RPRD2: variants seen among roughly 807,000 people sequenced by gnomAD.
RPRD2 encodes regulation of nuclear pre-mRNA domain-containing protein 2.
A neutral mutation model predicts 104.4 loss-of-function variants in RPRD2; 12 were observed. The ratio of observed to expected loss-of-function variants is 0.11; its 90% CI spans 0.07 to 0.19. RPRD2 has a LOEUF of 0.19. Among genes scored for constraint, RPRD2 ranks in the 10% least tolerant of loss-of-function variants. The pLI is 1.00. For synonymous variants in RPRD2, 714 were observed against 684.9 expected, an observed-to-expected ratio of 1.04 and a Z score of -0.66; for missense variants, 1,543 against 1,790.1, an observed-to-expected ratio of 0.86 and a Z score of 2.49.
At chr1:150,446,107 A>G in intron 6 of RPRD2, 119 bp from the exon 7 acceptor site, 1 of 637,556 alleles carries the variant, frequency 1.6e-6, no homozygotes. Context: ...GTATTAGAGT[A>G]CTGCACAGTA....
In RPRD2 at chr1:150,472,835, C is replaced by T. The variant is rs780099889; in HGVS notation, c.3887C>T (p.Pro1296Leu). The T allele has an allele frequency of 8.7e-6, 14 of 1,611,782 alleles. No individual in the cohort carries two copies. Among genetic ancestry groups the T allele is most frequent in the South Asian group, 3.3e-5 (3 of 90,894 alleles). Residue 1296 changes from proline (P) to leucine (L), a missense_variant, in exon 11 of 11, where the codon CCA becomes CTA. By Grantham distance (98) the Pro-to-Leu change is moderately conservative (BLOSUM62 -3). Transcript: ENST00000369068. ...GVPFSTPPPP[P>L]PPVDHSGVVP... The stretch of plus-strand genomic sequence containing the variant: ...CCCTTTTCTACTCCACCCCCTCCTC[C>T]ACCCCCTGTTGACCACTCTGGAGTT...
At chr1:150,393,198 G>A (rs782237554) in intron 1 of RPRD2, among the ~76,000 whole-genome samples, 19 of 152,020 alleles carry the variant, frequency 1.2e-4, no homozygotes, top group Non-Finnish European at 2.6e-4. Context: ...GCTGGGTGCG[G>A]TGGCTCACAC....
intron 2 of RPRD2, among the ~76,000 whole-genome samples, chr1:150,419,854 C>G (rs889870140): frequency 1.3e-5 from 2 of 152,178 alleles, no homozygotes; most frequent in Non-Finnish European, 2.9e-5. Flanking sequence ...TCTCGAACTC[C>G]TGACCTCAGG....
intron 1 of RPRD2, among the ~76,000 whole-genome samples, chr1:150,416,469 A>T (rs77444832): frequency 0.023 from 3,566 of 152,258 alleles, 71 homozygotes; most frequent in Non-Finnish European, 0.037. Flanking sequence ...AACATGGTAG[A>T]TCATCCATAT....
chr1:150,446,536 G>T (rs1666784930), intron 7 of RPRD2, 135 bp downstream of exon 7: 8 of 772,110 alleles, frequency 1.0e-5, no homozygotes, highest in East Asian at 2.9e-5. Context: ...TTTGGGATAG[G>T]TGCTGTGGTA....
intron 4 of RPRD2, among the ~76,000 whole-genome samples, chr1:150,442,952 GTAT>G (rs2102361037): frequency 6.6e-6 from 1 of 152,200 alleles, no homozygotes; most frequent in African/African-American, 2.4e-5. Context: ...GGTACTTGAT[GTAT>G]CTCGGTGTCT....
intron 10 of RPRD2, among the ~76,000 whole-genome samples, chr1:150,465,195 G>T (rs1304222446): frequency 1.3e-5 from 2 of 151,648 alleles, no homozygotes; most frequent in Non-Finnish European, 2.9e-5. Context: ...TGTCGCCCAG[G>T]CTGGAGTGCA....
Position 150,383,360 on chromosome 1 carries a change from A to T in RPRD2, c.205+18441A>T, listed in dbSNP as rs1572362762. Among the ~76,000 whole-genome samples the T allele has an allele frequency of 2.4e-5, 3 of 126,168 alleles. No individual in the cohort carries two copies. The South Asian group carries it at 7.7e-4, about 32-fold the overall frequency. The allele number at this position is 126,168 out of a possible 152,430, so 82.8% of individuals were successfully genotyped here. On this transcript the variant is annotated intron_variant, in intron 1 of 10. Coordinates refer to ENST00000369068, the MANE Select transcript of RPRD2 (RefSeq NM_015203.5). ...AGTCTTGCTCTGTTGCCTAGGCTGG[A>T]GTGCAGTGCAGTGGCGCAATCTTGG...
At chr1:150,391,646 G>A (rs972365820) in intron 1 of RPRD2, among the ~76,000 whole-genome samples, 16 of 152,178 alleles carry the variant, frequency 1.1e-4, no homozygotes, top group Non-Finnish European at 2.4e-4. Flanking sequence ...AGTGGCTGAC[G>A]CCTGTAATCC....
At chr1:150,422,908 A>G (rs1404999622) in intron 2 of RPRD2, among the ~76,000 whole-genome samples, 2 of 152,218 alleles carry the variant, frequency 1.3e-5, no homozygotes, top group Non-Finnish European at 2.9e-5. Context: ...GGACTTTCAG[A>G]TAAGTTGGGA....
chr1:150,384,683 T>TGTGTGTG lies in RPRD2; in HGVS notation c.205+19764_205+19765insGTGTGTG, dbSNP rs1560155301. Reference sequence around the variant, plus strand: ...TGTGTGTGTGTGTGTGTGTGTGTGTTTTTAGTAGAGACCAGGTTTCACCCT... The same window carrying TGTGTGTG: ...TGTGTGTGTGTGTGTGTGTGTGTGTTGTGTGTGTTTAGTAGAGACCAGGTTTCACCCT... On this transcript the variant is annotated intron_variant, in intron 1 of 10. Coordinates refer to ENST00000369068, the MANE Select transcript of RPRD2 (RefSeq NM_015203.5). Among the ~76,000 whole-genome samples, 1,090 of 117,908 alleles carry TGTGTGTG rather than the reference T, an allele frequency of 9.2e-3. 11 individuals are homozygous for TGTGTGTG. The highest frequency in any genetic ancestry group is 0.019 in the Middle Eastern group (4 of 216). The allele number at this position is 117,908 out of a possible 152,430, so 77.4% of individuals were successfully genotyped here.
chr1:150,445,956 C>A (rs1385841252), intron 6 of RPRD2, among the ~76,000 whole-genome samples: 1 of 151,652 alleles, frequency 6.6e-6, no homozygotes, highest in African/African-American at 2.4e-5. Flanking sequence ...TAGTCCCAGC[C>A]ACTCGGGAGG....
chr1:150,412,799 G>A lies in RPRD2; in HGVS notation c.206-4797G>A, dbSNP rs781856061. ...CTTGCTCCCCTGTTAAAATAGAAAC[G>A]GGGATTGATTTATGTCCCATTCCTG... On this transcript the variant is annotated intron_variant, in intron 1 of 10. Transcript: ENST00000369068. 1.2e-3 allele frequency among the ~76,000 whole-genome samples: 177 copies of A among 152,178 alleles called. 1 individual carries two copies. The highest frequency in any genetic ancestry group is 2.7e-3 in the South Asian group (13 of 4,820).
At chr1:150,367,583 G>C (rs116829895) in intron 1 of RPRD2, among the ~76,000 whole-genome samples, 22 of 151,590 alleles carry the variant, frequency 1.5e-4, no homozygotes, top group Admixed American at 1.4e-3. Context: ...ATAAATTTAA[G>C]TAACTATTAG....
Position 150,472,635 on chromosome 1 carries a change from A to C in RPRD2, c.3687A>C (p.Arg1229=). Residue 1229 remains arginine, a synonymous_variant, in exon 11 of 11, where the codon CGA becomes CGC. Coordinates refer to ENST00000369068, the MANE Select transcript of RPRD2 (RefSeq NM_015203.5). ...AGGATCATGGTGGTATCTTCTCTCG[A>C]GATGCACCCACTCATCTACCCTCTG... The part of the protein sequence containing the change: ...PPKDHGGIFS[R]DAPTHLPSVD... The C allele has an allele frequency of 6.2e-7, 1 of 1,613,760 alleles. No individual in the cohort carries two copies. The highest frequency in any genetic ancestry group is 8.5e-7 in the Non-Finnish European group (1 of 1,179,782).
At chr1:150,385,677 T>TTCAC (rs1661511189) in intron 1 of RPRD2, among the ~76,000 whole-genome samples, 1 of 152,210 alleles carries the variant, frequency 6.6e-6, no homozygotes, top group African/African-American at 2.4e-5. Context: ...TGTTGTCATA[T>TTCAC]GTGATGTAGC....
chr1:150,402,924 C>T (rs948413210), intron 1 of RPRD2, among the ~76,000 whole-genome samples: 16 of 151,572 alleles, frequency 1.1e-4, no homozygotes, highest in Admixed American at 3.3e-4. Context: ...GCCGAGATCG[C>T]GCCACTGCAC....
At chr1:150,411,231 CG>C (rs1663874940) in intron 1 of RPRD2, among the ~76,000 whole-genome samples, 1 of 151,136 alleles carries the variant, frequency 6.6e-6, no homozygotes, top group African/African-American at 2.4e-5. Flanking sequence ...AGGTCCAAGG[CG>C]GGTGGATCAC....
chr1:150,399,457 T>G (rs1560169577), intron 1 of RPRD2, among the ~76,000 whole-genome samples: 2 of 152,144 alleles, frequency 1.3e-5, no homozygotes, highest in Non-Finnish European at 2.9e-5. Context: ...CTTGCACCTT[T>G]GTAAAAAATC....
Sources: gnomAD v4.1 joint callset for allele counts (sites outside exome capture counted in the v4.1 genomes callset) on GRCh38, gnomAD v4.1.1 for gene constraint, MANE v1.5 for transcripts, NCBI Gene and HGNC (gene_info 2026-07-23, HGNC 2026-07-21) for gene names.